TSGA10: variants seen among roughly 807,000 people sequenced by gnomAD.
TSGA10 encodes testis specific 10.
A neutral mutation model predicts 96.6 loss-of-function variants in TSGA10; 43 were observed. The observed-to-expected ratio is 0.44, with a 90% CI of 0.35 to 0.57. The LOEUF (loss-of-function observed/expected upper bound fraction) is 0.57. Ranked by LOEUF, TSGA10 falls within the 20% of genes least tolerant of loss-of-function variation. The pLI is 0.01. For missense variants in TSGA10, 703 were observed against 834.4 expected (o/e 0.84, Z 1.94); for synonymous variants, 229 against 269.9 (o/e 0.85, Z 1.48).
intron 10 of TSGA10, among the ~76,000 whole-genome samples, chr2:99,095,411 TA>T (rs1384612119): frequency 6.6e-6 from 1 of 151,890 alleles, no homozygotes; most frequent in South Asian, 2.1e-4. Flanking sequence ...ACAAATAAAA[TA>T]AAATAAAAAA....
chr2:99,102,462 T>C, intron 10 of TSGA10: 3 of 1,613,924 alleles, frequency 1.9e-6, no homozygotes, highest in Non-Finnish European at 2.5e-6. Context: ...ACAGAAATCC[T>C]TGGTAGCCCT....
intron 4 of TSGA10, 101 bp from the exon 5 acceptor site, chr2:99,111,016 C>T (rs1032079763): frequency 3.8e-5 from 8 of 212,936 alleles, no homozygotes; most frequent in Non-Finnish European, 6.4e-5. Flanking sequence ...AAAATAAAAA[C>T]ATGAAGGCAG....
At chr2:99,100,637 G>A (rs1183426107) in intron 10 of TSGA10, among the ~76,000 whole-genome samples, 1 of 149,468 alleles carries the variant, frequency 6.7e-6, no homozygotes, top group Admixed American at 6.7e-5. Flanking sequence ...TGGCTAACAT[G>A]GTGAAACCCC....
At chr2:99,120,293 T>G (rs981724083) in intron 2 of TSGA10, among the ~76,000 whole-genome samples, 1 of 152,136 alleles carries the variant, frequency 6.6e-6, no homozygotes, top group Non-Finnish European at 1.5e-5. Context: ...TTTACTCAAT[T>G]CCAAGACAAA....
intron 10 of TSGA10, among the ~76,000 whole-genome samples, chr2:99,098,208 T>C (rs971103157): frequency 9.3e-5 from 14 of 151,148 alleles, no homozygotes; most frequent in African/African-American, 3.4e-4. Flanking sequence ...GAGGCTGAGG[T>C]GGGTGGATCA....
intron 12 of TSGA10, among the ~76,000 whole-genome samples, chr2:99,077,562 T>A (rs1574104179): frequency 6.6e-6 from 1 of 151,988 alleles, no homozygotes; most frequent in Non-Finnish European, 1.5e-5. Flanking sequence ...CTTTTATTTA[T>A]TTTATTTATT....
At chr2:99,027,588 CTTAA>C (rs1205909236) in intron 17 of TSGA10, among the ~76,000 whole-genome samples, 36 of 152,220 alleles carry the variant, frequency 2.4e-4, no homozygotes. Flanking sequence ...ATGTTATTAG[CTTAA>C]TTAAACCTGT....
At chr2:99,102,204 G>T in intron 10 of TSGA10, 2 of 1,604,828 alleles carry the variant, frequency 1.2e-6, no homozygotes, top group Non-Finnish European at 1.7e-6. Context: ...TTTCAAACAG[G>T]TATCCAAGAA....
chr2:99,033,348 C>T (rs1227037240), intron 17 of TSGA10, among the ~76,000 whole-genome samples: 2 of 152,154 alleles, frequency 1.3e-5, no homozygotes, highest in African/African-American at 2.4e-5. Context: ...AGTGAGATGA[C>T]TTTCTAAAGG....
intron 16 of TSGA10, among the ~76,000 whole-genome samples, chr2:99,050,581 A>G (rs1163963681): frequency 6.6e-6 from 1 of 152,220 alleles, no homozygotes; most frequent in East Asian, 1.9e-4. Flanking sequence ...TCCATATATC[A>G]TCAGAATTAA....
intron 1 of TSGA10, among the ~76,000 whole-genome samples, chr2:99,143,010 G>T (rs1052392471): frequency 6.6e-6 from 1 of 151,558 alleles, no homozygotes; most frequent in South Asian, 2.1e-4. Context: ...AGGGTGAAAA[G>T]ATTTTCCTTT....
rs191732588 is a variant in TSGA10, at chr2:99,004,519, C to T, written c.2073-6298G>A. On this transcript the variant is annotated intron_variant, in intron 20 of 20. Coordinates refer to ENST00000393483, the MANE Select transcript of TSGA10 (RefSeq NM_025244.4). ...TCAGAGAATACTACAAACACCTCTA[C>T]GCAAATAAACTAGAAAATCTAGAAG... 3.4e-3 allele frequency among the ~76,000 whole-genome samples: 515 copies of T among 151,944 alleles called. 6 individuals are homozygous for T. The highest frequency in any genetic ancestry group is 8.4e-3 in the East Asian group (43 of 5,144).
At chr2:99,011,368 G>A (rs1415704276) in intron 20 of TSGA10, among the ~76,000 whole-genome samples, 1 of 152,158 alleles carries the variant, frequency 6.6e-6, no homozygotes, top group Non-Finnish European at 1.5e-5. Flanking sequence ...CTGACTTCAA[G>A]TGATCTGCCC....
chr2:99,071,852 C>T lies in TSGA10; in HGVS notation c.961G>A (p.Val321Met), dbSNP rs374758337. ...ASRQCTEALI[V>M]CEQDVSRMRR... ...ATTCTGGAAACGTCTTGTTCACACA[C>T]AATTAGGGCCTCAGTACACTGTCTA... Residue 321 changes from valine (V) to methionine (M), a missense_variant, in exon 14 of 21, where the codon GTG (valine) becomes ATG (methionine). Coordinates refer to ENST00000393483, the MANE Select transcript of TSGA10 (RefSeq NM_025244.4). 1.9e-6 allele frequency: 3 copies of T among 1,613,758 alleles called. No homozygotes were observed. The highest frequency in any genetic ancestry group is 3.3e-5 in the Admixed American group (2 of 59,984).
At position 99,068,977 on chromosome 2, in the gene TSGA10, C is replaced by T; in HGVS notation, c.1129G>A (p.Asp377Asn). ...ENQALSKKLN[D>N]THNELNDIKQ... ...ATGTCATTAAGTTCATTATGAGTGT[C>T]ATTCAATTTTTTGGACAGTGCCTAC... Residue 377 changes from aspartate to asparagine, a missense_variant, in exon 15 of 21, where the codon GAC (aspartate) becomes AAC (asparagine). Asp to Asn is a conservative substitution (Grantham distance 23, BLOSUM62 1). This residue lies in a region of TSGA10 where 585 missense variants were observed against 656.8 expected (regional missense o/e 0.89). Transcript: ENST00000393483. 1 of 1,463,828 alleles carries T rather than the reference C, an allele frequency of 6.8e-7. No homozygotes were observed. The highest frequency in any genetic ancestry group is 2.7e-5 in the East Asian group (1 of 37,582). 90.7% of individuals were successfully genotyped at this position (1,463,828 alleles called of 1,614,324 possible).
At chr2:99,094,632 CAACA>C (rs1201047351) in intron 10 of TSGA10, among the ~76,000 whole-genome samples, 1 of 151,996 alleles carries the variant, frequency 6.6e-6, no homozygotes, top group Non-Finnish European at 1.5e-5. Context: ...TACAAATGGC[CAACA>C]AACAAATTAA....
intron 17 of TSGA10, among the ~76,000 whole-genome samples, chr2:99,030,601 T>A (rs1222388053): frequency 6.9e-6 from 1 of 145,730 alleles, no homozygotes; most frequent in Non-Finnish European, 1.5e-5. Context: ...CAGTAATCTG[T>A]GTGCCACTGC....
intron 2 of TSGA10, among the ~76,000 whole-genome samples, chr2:99,124,386 T>A (rs561291779): frequency 2.0e-5 from 3 of 152,202 alleles, no homozygotes; most frequent in Non-Finnish European, 2.9e-5. Context: ...TTCAGATATG[T>A]AATTTGGAAA....
intron 7 of TSGA10, among the ~76,000 whole-genome samples, chr2:99,108,116 G>A (rs1411237199): frequency 6.6e-6 from 1 of 151,908 alleles, no homozygotes; most frequent in Non-Finnish European, 1.5e-5. Flanking sequence ...ATCTAAAAAT[G>A]CCCACTTCTT....
Sources: gnomAD v4.1 joint callset for allele counts (sites outside exome capture counted in the v4.1 genomes callset) on GRCh38, gnomAD v4.1.1 for gene constraint, gnomAD v4.1.1 regional missense constraint, MANE v1.5 for transcripts, NCBI Gene and HGNC (gene_info 2026-07-23, HGNC 2026-07-21) for gene names.